The following SIPA1L3 variants were observed in gnomAD, a reference collection of about 807,000 sequenced individuals.
The protein encoded by SIPA1L3 is signal induced proliferation associated 1 like 3.
A neutral mutation model predicts 150.1 loss-of-function variants in SIPA1L3; 59 were observed. The ratio of observed to expected loss-of-function variants is 0.39; its 90% confidence interval spans 0.32 to 0.49. The LOEUF is 0.49. SIPA1L3 is among the 20% of genes least tolerant of loss of function. The probability of loss-of-function intolerance (pLI) is 0.86; values close to 1 mark genes in which losing one functional copy is unlikely to be tolerated. For synonymous variants in SIPA1L3, 1,070 were observed against 1,077.6 expected (o/e 0.99, Z 0.14); for missense variants, 2,211 against 2,489.5 (o/e 0.89, Z 2.38).
intron 6 of SIPA1L3, among the ~76,000 whole-genome samples, chr19:38,104,693 T>A (rs899435711): frequency 1.4e-4 from 22 of 152,096 alleles, no homozygotes; most frequent in African/African-American, 5.3e-4. Context: ...CACCTCAGCC[T>A]CCTGAATAGC....
intron 4 of SIPA1L3, among the ~76,000 whole-genome samples, chr19:38,096,893 T>C (rs771735856): frequency 1.3e-5 from 2 of 152,218 alleles, no homozygotes; most frequent in African/African-American, 2.4e-5. Flanking sequence ...ACTGAGGTGC[T>C]TCTGTGAGGG....
At chr19:38,192,071 C>A in intron 16 of SIPA1L3, 74 bp from the exon 17 acceptor site, 1 of 1,439,864 alleles carries the variant, frequency 6.9e-7, no homozygotes. Flanking sequence ...GGCCGGCCCT[C>A]TTGAATCCAA....
chr19:38,113,878 G>T (rs1970824449), intron 8 of SIPA1L3, among the ~76,000 whole-genome samples: 1 of 152,110 alleles, frequency 6.6e-6, no homozygotes, highest in Non-Finnish European at 1.5e-5. Context: ...CCCCTCGTCT[G>T]CTGGTTGTTT....
intron 1 of SIPA1L3, among the ~76,000 whole-genome samples, chr19:38,027,517 G>A (rs1256077670): frequency 6.6e-6 from 1 of 152,068 alleles, no homozygotes; most frequent in African/African-American, 2.4e-5. Flanking sequence ...GGTTGGCGGG[G>A]ATATTTGGGT....
intron 1 of SIPA1L3, among the ~76,000 whole-genome samples, chr19:37,988,757 T>G (rs1271505937): frequency 6.6e-6 from 1 of 152,192 alleles, no homozygotes; most frequent in Non-Finnish European, 1.5e-5. Flanking sequence ...CTGGGCCCCC[T>G]TGATCTGGCC....
chr19:38,049,501 T>G (rs1969140953), intron 2 of SIPA1L3, among the ~76,000 whole-genome samples: 1 of 152,140 alleles, frequency 6.6e-6, no homozygotes, highest in Non-Finnish European at 1.5e-5. Flanking sequence ...GGTCCCCTGG[T>G]GTTGGGCATC....
rs962370855 is a variant in SIPA1L3, at chr19:38,101,262, C to G, written c.2029+36C>G. The G allele has an allele frequency of 2.8e-6, 4 of 1,406,706 alleles. No homozygotes were observed. The African/African-American group carries it at 4.3e-5, about 15-fold the overall frequency. 87.1% of individuals were successfully genotyped at this position (1,406,706 alleles called of 1,614,324 possible). A position where few individuals can be genotyped will look rare whatever the true frequency, so the allele number is the denominator to read the frequency against. ...GGCCGGTTAGATCACAGTGAGCCACCACTGCACTCCTACTCAACAGGCAAA... is the reference window on the plus strand; with the variant it reads ...GGCCGGTTAGATCACAGTGAGCCACGACTGCACTCCTACTCAACAGGCAAA... On this transcript the variant is annotated intron_variant, in intron 6 of 21. Coordinates refer to ENST00000222345, the MANE Select transcript of SIPA1L3 (RefSeq NM_015073.3).
chr19:37,994,012 A>G (rs1465199647), intron 1 of SIPA1L3, among the ~76,000 whole-genome samples: 1 of 152,090 alleles, frequency 6.6e-6, no homozygotes, highest in African/African-American at 2.4e-5. Flanking sequence ...CTCCTATTTC[A>G]GCCTTCCAAG....
chr19:38,179,818 G>C (rs555319956), intron 15 of SIPA1L3, among the ~76,000 whole-genome samples: 2 of 152,230 alleles, frequency 1.3e-5, no homozygotes, highest in South Asian at 4.1e-4. Flanking sequence ...TCATTGTCTA[G>C]AGTCATTTCT....
chr19:37,980,136 T>TA (rs923186503), intron 1 of SIPA1L3, among the ~76,000 whole-genome samples: 16 of 152,218 alleles, frequency 1.1e-4, no homozygotes, highest in Admixed American at 3.9e-4. Context: ...TTGTGGCACT[T>TA]AAATAAAAAA....
At chr19:38,035,105 G>T (rs1202825028) in intron 2 of SIPA1L3, among the ~76,000 whole-genome samples, 1 of 152,170 alleles carries the variant, frequency 6.6e-6, no homozygotes, top group Non-Finnish European at 1.5e-5. Flanking sequence ...GGTCAAAGAG[G>T]GCTCCTGGAA....
intron 1 of SIPA1L3, among the ~76,000 whole-genome samples, chr19:37,916,447 C>T (rs2046415457): frequency 6.8e-6 from 1 of 147,222 alleles, no homozygotes; most frequent in Non-Finnish European, 1.5e-5. Context: ...ACCTTGAGCC[C>T]AGGAGATCAA....
intron 4 of SIPA1L3, among the ~76,000 whole-genome samples, chr19:38,089,109 C>G (rs1970205271): frequency 6.6e-6 from 1 of 152,058 alleles, no homozygotes; most frequent in Non-Finnish European, 1.5e-5. Context: ...CACTTGAGAT[C>G]AAGAGTTCAA....
intron 1 of SIPA1L3, among the ~76,000 whole-genome samples, chr19:37,994,145 T>C (rs1399190172): frequency 1.3e-5 from 2 of 152,166 alleles, no homozygotes; most frequent in Non-Finnish European, 2.9e-5. Context: ...CAAGTGACCC[T>C]ACCACCTTGG....
At chr19:38,026,974 C>T (rs1279312764) in intron 1 of SIPA1L3, among the ~76,000 whole-genome samples, 1 of 152,174 alleles carries the variant, frequency 6.6e-6, no homozygotes, top group Non-Finnish European at 1.5e-5. Flanking sequence ...AGGTATTGGA[C>T]TCACCACTAG....
At chr19:38,189,176 C>A (rs1190745643) in intron 16 of SIPA1L3, among the ~76,000 whole-genome samples, 1 of 151,016 alleles carries the variant, frequency 6.6e-6, no homozygotes, top group African/African-American at 2.4e-5. Context: ...TCACTGTCAC[C>A]CAGGCTGGAG....
intron 1 of SIPA1L3, among the ~76,000 whole-genome samples, chr19:37,953,046 C>T (rs1363425561): frequency 6.6e-6 from 1 of 152,154 alleles, no homozygotes; most frequent in African/African-American, 2.4e-5. Context: ...CATGGTGAAA[C>T]TCCGTCTGTA....
At chr19:37,991,654 G>A (rs1441652006) in intron 1 of SIPA1L3, among the ~76,000 whole-genome samples, 1 of 152,242 alleles carries the variant, frequency 6.6e-6, no homozygotes, top group Non-Finnish European at 1.5e-5. Flanking sequence ...CTGTTCCCGG[G>A]AATGCAGCAG....
rs575714995 is a variant in SIPA1L3 at position 38,189,417 on chromosome 19, C to T, written c.4431-2728C>T. On this transcript the variant is annotated intron_variant, in intron 16 of 21. Coordinates refer to ENST00000222345, the MANE Select transcript of SIPA1L3 (RefSeq NM_015073.3). ...AAGTGCTGGGATTACAGGCATGAGCCACCATGCCTGACCTAAGTTTCTTGG... is the reference window on the plus strand; with the variant it reads ...AAGTGCTGGGATTACAGGCATGAGCTACCATGCCTGACCTAAGTTTCTTGG... 3.3e-5 allele frequency among the ~76,000 whole-genome samples: 5 copies of T among 152,214 alleles called. No individual in the cohort carries two copies. The East Asian group carries it at 5.8e-4, about 18-fold the overall frequency.
Sources: gnomAD v4.1 joint callset for allele counts (sites outside exome capture counted in the v4.1 genomes callset) on GRCh38, gnomAD v4.1.1 for gene constraint, MANE v1.5 for transcripts, NCBI Gene and HGNC (gene_info 2026-07-23, HGNC 2026-07-21) for gene names.